The following MACF1 variants were observed in gnomAD, a reference collection of about 807,000 sequenced individuals.
MACF1 encodes microtubule actin crosslinking factor 1.
MACF1 carries 193 observed loss-of-function variants against 854.8 expected under a neutral mutation model. That is an observed-to-expected ratio of 0.23 (90% CI 0.20 to 0.25). The LOEUF (loss-of-function observed/expected upper bound fraction) is 0.25. Ranked by LOEUF, MACF1 falls within the 10% of genes least tolerant of loss-of-function variation. The probability of loss-of-function intolerance (pLI) is 1.00; values close to 1 mark genes in which losing one functional copy is unlikely to be tolerated. For missense variants in MACF1, 7,722 were observed against 8,929.1 expected, an observed-to-expected ratio of 0.86 and a Z score of 5.45; for synonymous variants, 3,185 against 3,226.7, an observed-to-expected ratio of 0.99 and a Z score of 0.44.
intron 2 of MACF1, among the ~76,000 whole-genome samples, chr1:39,232,750 T>G (rs1410115391): frequency 3.1e-5 from 1 of 32,178 alleles, no homozygotes; most frequent in Admixed American, 4.1e-4. Flanking sequence ...CTCTTTGTTT[T>G]TTTTTTTTTT....
At chr1:39,370,997 A>T (rs1373680741) in intron 51 of MACF1, among the ~76,000 whole-genome samples, 1 of 152,120 alleles carries the variant, frequency 6.6e-6, no homozygotes, top group East Asian at 1.9e-4. Flanking sequence ...GTAAAGCCAT[A>T]GTTTGGGGAC....
Position 39,435,847 on chromosome 1 carries a change from G to A in MACF1, c.17988+86G>A. 3 of 1,202,864 alleles carry A rather than the reference G, an allele frequency of 2.5e-6. No homozygotes were observed. The South Asian group carries it at 4.1e-5, about 17-fold the overall frequency. 74.5% of individuals were successfully genotyped at this position (1,202,864 alleles called of 1,614,324 possible). A position where few individuals can be genotyped will look rare whatever the true frequency, so the allele number is the denominator to read the frequency against. ...TGTATCAGGTATGTCTCTGTGCTCA[G>A]GAATGTCCAGAGCAGCATGTTAATA... On this transcript the variant is annotated intron_variant, in intron 70 of 100. Coordinates refer to ENST00000564288, the MANE Select transcript of MACF1 (RefSeq NM_001394062.1).
chr1:39,327,668 C>A (rs1308954636), intron 36 of MACF1, among the ~76,000 whole-genome samples: 1 of 152,212 alleles, frequency 6.6e-6, no homozygotes, highest in African/African-American at 2.4e-5. Context: ...AGGGCAGTAA[C>A]ATACTCCCTT....
chr1:39,335,998 A>G lies in MACF1; in HGVS notation c.9410A>G (p.Gln3137Arg). 6.2e-7 allele frequency: 1 copy of G among 1,614,202 alleles called. No individual in the cohort carries two copies. The highest frequency in any genetic ancestry group is 1.3e-5 in the African/African-American group (1 of 75,054). The change falls in exon 37 of 101, where the codon CAA (glutamine) becomes CGA (arginine). Residue 3137 changes from glutamine (Q) to arginine (R), a missense_variant. Gln to Arg is a conservative substitution (Grantham distance 43). Coordinates refer to ENST00000564288, the MANE Select transcript of MACF1 (RefSeq NM_001394062.1). The stretch of plus-strand genomic sequence containing the variant: ...ATTTCCAAAACAGACAAGTCTTTCC[A>G]AGGAACCACCAGACAGGAGACCAAC... ...SQISKTDKSF[Q>R]GTTRQETNYQ...
In MACF1 at chr1:39,393,627, A is replaced by G. The variant is rs958480109; in HGVS notation, c.15816+4969A>G. Among the ~76,000 whole-genome samples, 6 of 151,964 alleles carry G rather than the reference A, an allele frequency of 3.9e-5. 1 individual carries two copies. Among genetic ancestry groups the G allele is most frequent in the South Asian group, 4.2e-4 (2 of 4,810 alleles). ...AGTTCGAGACCAGCCTGGGCAACAA[A>G]ATGAGGCGGCCCTTCTATAAAAAAT... On this transcript the variant is annotated intron_variant, in intron 58 of 100. Transcript: ENST00000564288.
At chr1:39,158,428 G>T (rs1209863461) in intron 2 of MACF1, among the ~76,000 whole-genome samples, 2 of 152,222 alleles carry the variant, frequency 1.3e-5, no homozygotes, top group African/African-American at 2.4e-5. Flanking sequence ...GCTGTAAGGA[G>T]AGTACAGAGT....
At chr1:39,439,876 G>T (rs1644063382) in intron 72 of MACF1, among the ~76,000 whole-genome samples, 1 of 152,110 alleles carries the variant, frequency 6.6e-6, no homozygotes, top group Non-Finnish European at 1.5e-5. Context: ...AAAGTGCTGG[G>T]ATTACAGGCG....
At chr1:39,218,693 T>G (rs563399064) in intron 1 of MACF1, among the ~76,000 whole-genome samples, 1 of 152,344 alleles carries the variant, frequency 6.6e-6, no homozygotes, top group Admixed American at 6.5e-5. Context: ...TTATCTTACT[T>G]CTTTCCTTTA....
At chr1:39,226,564 C>T (rs934534404) in intron 1 of MACF1, among the ~76,000 whole-genome samples, 7 of 152,050 alleles carry the variant, frequency 4.6e-5, no homozygotes, top group Non-Finnish European at 1.0e-4. Context: ...TGGTCTCGAA[C>T]GCCTGACCTC....
At chr1:39,096,945 C>T (rs975140088) in intron 2 of MACF1, among the ~76,000 whole-genome samples, 7 of 143,130 alleles carry the variant, frequency 4.9e-5, no homozygotes, top group South Asian at 2.2e-4. Context: ...GGTGTGATCT[C>T]GGCTCACTGC....
rs534710920 is a variant in MACF1, at chr1:39,478,440, T to G, written c.21959-1358T>G. On this transcript the variant is annotated intron_variant, in intron 97 of 100. Transcript: ENST00000564288. ...TTAGAGATCGGTTGACCTGATCGCC[T>G]CTGGTGAGCCTGAGGAAACTGAGGC... 2.0e-5 allele frequency among the ~76,000 whole-genome samples: 3 copies of G among 152,302 alleles called. No individual in the cohort carries two copies. In the East Asian group the frequency reaches 5.8e-4, roughly 29 times the overall value.
Position 39,361,009 on chromosome 1 carries a change from C to G in MACF1, c.12453+8C>G. On this transcript the variant is annotated splice_region_variant and intron_variant, in intron 48 of 100. Coordinates refer to ENST00000564288, the MANE Select transcript of MACF1 (RefSeq NM_001394062.1). ...GCCTTAGCCACAAATATGGTAAGAT[C>G]TGTGTCCCAAGAGCTAGCATAGAGG... The G allele has an allele frequency of 6.2e-7, 1 of 1,610,378 alleles. No homozygotes were observed. Among genetic ancestry groups the G allele is most frequent in the African/African-American group, 1.3e-5 (1 of 74,972 alleles).
intron 6 of MACF1, chr1:39,269,369 A>G: frequency 1.6e-6 from 2 of 1,289,866 alleles, no homozygotes; most frequent in Non-Finnish European, 2.0e-6. Context: ...GTGTGGAGGA[A>G]GGAACCAAGA....
At chr1:39,167,562 T>G (rs1312277203) in intron 2 of MACF1, among the ~76,000 whole-genome samples, 1 of 151,906 alleles carries the variant, frequency 6.6e-6, no homozygotes, top group South Asian at 2.1e-4. Context: ...CAAAATTAGC[T>G]GGGCGTGGTG....
At chr1:39,392,868 C>T (rs1642089721) in intron 58 of MACF1, among the ~76,000 whole-genome samples, 1 of 152,082 alleles carries the variant, frequency 6.6e-6, no homozygotes, top group African/African-American at 2.4e-5. Flanking sequence ...AGTTCCTTTC[C>T]ACTCAAACCA....
intron 58 of MACF1, chr1:39,412,633 G>A (rs1557639486): frequency 1.2e-6 from 2 of 1,613,902 alleles, no homozygotes; most frequent in East Asian, 4.5e-5. Context: ...GCTGAATGTG[G>A]CATCATCAGA....
chr1:39,260,828 T>C (rs1645155397), intron 6 of MACF1, among the ~76,000 whole-genome samples: 1 of 152,194 alleles, frequency 6.6e-6, no homozygotes, highest in Non-Finnish European at 1.5e-5. Context: ...TTTGACTTTA[T>C]ATCATTTTTT....
At chr1:39,429,358 T>C (rs1393881387) in intron 64 of MACF1, 32 bp downstream of exon 64, 6 of 1,247,676 alleles carry the variant, frequency 4.8e-6, no homozygotes, top group Non-Finnish European at 7.0e-6. Context: ...TTAGCACCCC[T>C]ATGGTCTCAA....
rs1234368450 is a variant in MACF1 at position 39,251,903 on chromosome 1, A to G, written c.319A>G (p.Asn107Asp). 6.6e-7 allele frequency: 1 copy of G among 1,520,308 alleles called. No individual in the cohort carries two copies. The highest frequency in any genetic ancestry group is 8.8e-7 in the Non-Finnish European group (1 of 1,139,562). The allele number at this position is 1,520,308 out of a possible 1,614,324, so 94.2% of individuals were successfully genotyped here. A position where few individuals can be genotyped will look rare whatever the true frequency, so the allele number is the denominator to read the frequency against. Reference sequence around the variant, plus strand: ...GAGCATGCCCTCCTGGTGCCATACAAACAACGAGGAGCAGGCGGAGGAAGA... The same window carrying G: ...GAGCATGCCCTCCTGGTGCCATACAGACAACGAGGAGCAGGCGGAGGAAGA... ...LVSMPSWCHT[N>D]NEEQAEEDDD... Residue 107 changes from asparagine to aspartate, a missense_variant, in exon 4 of 101, where the codon AAC becomes GAC. Physicochemically the swap from Asn to Asp is conservative, Grantham distance 23. Transcript: ENST00000564288.
Sources: allele counts gnomAD v4.1 joint callset (sites outside exome capture counted in the v4.1 genomes callset), GRCh38; gene constraint gnomAD v4.1.1; transcripts MANE v1.5; gene names NCBI Gene and HGNC (gene_info 2026-07-23, HGNC 2026-07-21).